CTNNA2: variants seen among roughly 807,000 people sequenced by gnomAD.
The protein encoded by CTNNA2 is catenin alpha-2.
In CTNNA2, 42 loss-of-function variants were observed where a neutral mutation model predicts 101.0. The observed-to-expected ratio is 0.42, with a 90% CI of 0.32 to 0.54. CTNNA2 has a LOEUF of 0.54. Ranked by LOEUF, CTNNA2 falls within the 20% of genes least tolerant of loss-of-function variation. The pLI is 0.14. For missense variants in CTNNA2, 871 were observed against 1,223.1 expected, an observed-to-expected ratio of 0.71 and a Z score of 4.29; for synonymous variants, 450 against 456.4, an observed-to-expected ratio of 0.99 and a Z score of 0.18.
At chr2:79,654,073 C>T (rs1193697835) in intron 2 of CTNNA2, among the ~76,000 whole-genome samples, 1 of 152,188 alleles carries the variant, frequency 6.6e-6, no homozygotes, top group Non-Finnish European at 1.5e-5. Context: ...CTCCTCACTT[C>T]CTTCTGAGTC....
intron 2 of CTNNA2, among the ~76,000 whole-genome samples, chr2:79,311,408 CAAAAAAAA>C (rs753633073): frequency 4.5e-5 from 3 of 67,060 alleles, no homozygotes; most frequent in Non-Finnish European, 6.1e-5. Flanking sequence ...GACTCCGTCT[CAAAAAAAA>C]AAAAAAAAAA....
At chr2:79,287,995 G>T (rs1461767805) in intron 2 of CTNNA2, among the ~76,000 whole-genome samples, 1 of 152,228 alleles carries the variant, frequency 6.6e-6, no homozygotes, top group Non-Finnish European at 1.5e-5. Flanking sequence ...TATCAGGTGG[G>T]AGTGACCCGA....
chr2:80,333,992 GC>G (rs1671569265), intron 7 of CTNNA2, among the ~76,000 whole-genome samples: 1 of 152,182 alleles, frequency 6.6e-6, no homozygotes, highest in Non-Finnish European at 1.5e-5. Context: ...GCACAGTGTT[GC>G]ACGTCAAAGG....
chr2:80,517,547 A>G (rs797009769), intron 9 of CTNNA2, among the ~76,000 whole-genome samples: 15 of 152,354 alleles, frequency 9.8e-5, no homozygotes, highest in African/African-American at 3.4e-4. Flanking sequence ...AAAGGATGAC[A>G]GGACCACTTA....
chr2:79,472,501 C>A (rs1246901517), intron 4 of CTNNA2, among the ~76,000 whole-genome samples: 1 of 151,830 alleles, frequency 6.6e-6, no homozygotes, highest in Non-Finnish European at 1.5e-5. Flanking sequence ...AAGAATAGTG[C>A]CCATTTGCAG....
intron 7 of CTNNA2, among the ~76,000 whole-genome samples, chr2:80,017,480 GTA>G (rs199976663): frequency 2.0e-5 from 3 of 151,428 alleles, no homozygotes; most frequent in Admixed American, 6.6e-5. Context: ...ATATATGTGT[GTA>G]TATATATGTA....
Position 80,391,322 on chromosome 2 carries a change from C to T in CTNNA2, c.1057-1889C>T, listed in dbSNP as rs1677493231. On this transcript the variant is annotated intron_variant, in intron 7 of 18. Transcript: ENST00000402739. ...GAAAAGTGGTTGTATAGATATGGCA[C>T]TGGCAGGATGGAATAAGCCCAGAGT... Among the ~76,000 whole-genome samples, 2 of 152,068 alleles carry T rather than the reference C, an allele frequency of 1.3e-5. 1 individual carries two copies. The highest frequency in any genetic ancestry group is 4.2e-4 in the South Asian group (2 of 4,816).
At chr2:80,419,661 C>T in intron 9 of CTNNA2, 60 bp downstream of exon 9, 1 of 1,514,088 alleles carries the variant, frequency 6.6e-7, no homozygotes, top group Non-Finnish European at 9.0e-7. Flanking sequence ...CTGCATATGG[C>T]TCTTAGAATT....
At chr2:79,328,752 A>G (rs1330709115) in intron 3 of CTNNA2, among the ~76,000 whole-genome samples, 1 of 152,188 alleles carries the variant, frequency 6.6e-6, no homozygotes, top group Non-Finnish European at 1.5e-5. Flanking sequence ...GGGGCTGCCA[A>G]AACAAATTAC....
In CTNNA2 at chr2:80,303,534, G is replaced by A. The variant is rs771958499; in HGVS notation, c.1057-89677G>A. ...ACGGAGCAGATGTGATTGTGATCCA[G>A]ATAGAGCCACGTGAGCTGCATTAAC... On this transcript the variant is annotated intron_variant, in intron 7 of 18. Transcript: ENST00000402739. The surrounding 1 kb of genome is among the most constrained non-coding windows in gnomAD (Gnocchi z 7.7). 8 of 1,614,134 alleles carry A rather than the reference G, an allele frequency of 5.0e-6. No individual in the cohort carries two copies. In the South Asian group the frequency reaches 8.8e-5, roughly 18 times the overall value.
At chr2:80,349,531 C>G (rs1004955881) in intron 7 of CTNNA2, among the ~76,000 whole-genome samples, 1 of 152,082 alleles carries the variant, frequency 6.6e-6, no homozygotes, top group African/African-American at 2.4e-5. Flanking sequence ...GAGTAATATG[C>G]AGAAGCAGAG....
intron 2 of CTNNA2, among the ~76,000 whole-genome samples, chr2:79,286,749 C>T (rs898725364): frequency 6.6e-6 from 1 of 151,768 alleles, no homozygotes; most frequent in Admixed American, 6.6e-5. Context: ...TTGCTCTTCT[C>T]GAGGAGTATC....
intron 7 of CTNNA2, among the ~76,000 whole-genome samples, chr2:80,046,247 G>A (rs566924759): frequency 6.6e-6 from 1 of 152,308 alleles, no homozygotes; most frequent in East Asian, 1.9e-4. Flanking sequence ...GGTTGACCTT[G>A]ATGCCATCAA....
chr2:80,480,563 G>A (rs940085933), intron 9 of CTNNA2, among the ~76,000 whole-genome samples: 2 of 152,052 alleles, frequency 1.3e-5, no homozygotes, highest in African/African-American at 4.8e-5. Context: ...GGCCTATTGT[G>A]CGACCTGAAC....
intron 2 of CTNNA2, among the ~76,000 whole-genome samples, chr2:79,239,102 T>C (rs180847000): frequency 1.0e-3 from 152 of 152,294 alleles, no homozygotes; most frequent in African/African-American, 3.4e-3. Context: ...ATTATTTTAA[T>C]GCTTTCCTTC....
chr2:79,739,589 A>G (rs1245110101), intron 2 of CTNNA2, among the ~76,000 whole-genome samples: 1 of 152,252 alleles, frequency 6.6e-6, no homozygotes, highest in Non-Finnish European at 1.5e-5. Context: ...GTACAAGTGC[A>G]GTTTTGTTAC....
intron 1 of CTNNA2, among the ~76,000 whole-genome samples, chr2:79,584,349 G>T (rs1335172351): frequency 2.0e-5 from 3 of 151,952 alleles, no homozygotes; most frequent in African/African-American, 7.3e-5. Flanking sequence ...CATAATTAAT[G>T]GGTAGTTGTG....
chr2:79,389,444 A>G (rs990231775), intron 4 of CTNNA2, among the ~76,000 whole-genome samples: 7 of 152,196 alleles, frequency 4.6e-5, no homozygotes, highest in African/African-American at 9.6e-5. Context: ...CTGCAGCACT[A>G]AGCAATGTTC....
chr2:80,311,170 T>C (rs927743675), intron 7 of CTNNA2, among the ~76,000 whole-genome samples: 11 of 152,156 alleles, frequency 7.2e-5, no homozygotes, highest in African/African-American at 2.7e-4. Context: ...GTGATTAATA[T>C]CCTTATACCT....
Sources: allele counts gnomAD v4.1 joint callset (sites outside exome capture counted in the v4.1 genomes callset), GRCh38; gene constraint gnomAD v4.1.1; non-coding constraint Gnocchi (gnomAD v3.1); transcripts MANE v1.5; gene names NCBI Gene and HGNC (gene_info 2026-07-23, HGNC 2026-07-21).